FN1: variants seen among roughly 807,000 people sequenced by gnomAD.
FN1 encodes the protein fibronectin 1.
A neutral mutation model predicts 297.3 loss-of-function variants in FN1; 106 were observed. That is an observed-to-expected ratio of 0.36 (90% CI 0.30 to 0.42). The LOEUF is 0.42. Ranked by LOEUF, FN1 falls within the 10% of genes least tolerant of loss-of-function variation. The probability of loss-of-function intolerance (pLI) is 1.00; values close to 1 mark genes in which losing one functional copy is unlikely to be tolerated. For missense variants in FN1, 2,690 were observed against 3,124.9 expected, an observed-to-expected ratio of 0.86 and a Z score of 3.32; for synonymous variants, 1,149 against 1,152.6, an observed-to-expected ratio of 1.00 and a Z score of 0.06.
chr2:215,432,018 T>G (rs923361483), intron 3 of FN1, 54 bp from the exon 4 acceptor site: 14 of 1,605,596 alleles, frequency 8.7e-6, no homozygotes, highest in Non-Finnish European at 1.1e-5. Context: ...TTTTTTTTTT[T>G]GGTCTCATAT....
intron 30 of FN1, among the ~76,000 whole-genome samples, chr2:215,383,716 G>C (rs2058518729): frequency 6.6e-6 from 1 of 152,132 alleles, no homozygotes; most frequent in South Asian, 2.1e-4. Flanking sequence ...TCCACAAGCA[G>C]GTGTCTCTTC....
At chr2:215,434,446 T>C (rs540718255) in intron 2 of FN1, among the ~76,000 whole-genome samples, 4 of 152,326 alleles carry the variant, frequency 2.6e-5, no homozygotes, top group African/African-American at 9.6e-5. Flanking sequence ...CTTTCATTTT[T>C]CTCATCAAAA....
chr2:215,390,785 G>A (rs1412303614), intron 26 of FN1, among the ~76,000 whole-genome samples: 2 of 152,206 alleles, frequency 1.3e-5, no homozygotes, highest in Non-Finnish European at 2.9e-5. Context: ...GTCACGCTGA[G>A]CTGCTCTTCT....
intron 42 of FN1, 43 bp downstream of exon 42, chr2:215,367,820 G>A (rs990135362): frequency 1.2e-6 from 2 of 1,604,178 alleles, no homozygotes; most frequent in Non-Finnish European, 1.7e-6. Flanking sequence ...CATGGAACTT[G>A]AGGAGACAAA....
rs1483673981 is a variant in FN1, at chr2:215,424,128, C to T, written c.1216+18G>A. 1 of 1,612,938 alleles carries T rather than the reference C, an allele frequency of 6.2e-7. No homozygotes were observed. Among genetic ancestry groups the T allele is most frequent in the Non-Finnish European group, 8.5e-7 (1 of 1,179,134 alleles). ...GTGAGTTTTTCTCACTTCTGTGGCT[C>T]CCCCTTGGGACACTCACCAGTGTGG... On this transcript the variant is annotated intron_variant, in intron 8 of 45. Transcript: ENST00000354785.
At chr2:215,386,992 A>G (rs1559414102) in intron 27 of FN1, 34 bp from the exon 28 acceptor site, 2 of 1,586,184 alleles carry the variant, frequency 1.3e-6, no homozygotes, top group Non-Finnish European at 1.7e-6. Context: ...AAGAGAAAAA[A>G]AAAAGAAAAG....
intron 13 of FN1, among the ~76,000 whole-genome samples, chr2:215,413,898 G>A (rs894959730): frequency 5.9e-5 from 9 of 152,172 alleles, no homozygotes; most frequent in Non-Finnish European, 1.0e-4. Flanking sequence ...GATGCGTCTA[G>A]ACGTGGTTCT....
chr2:215,397,537 A>G (rs2060448843), intron 22 of FN1, 143 bp downstream of exon 22: 1 of 727,958 alleles, frequency 1.4e-6, no homozygotes, highest in Non-Finnish European at 2.4e-6. Flanking sequence ...CTCCAAATTC[A>G]GGAATAGCAT....
chr2:215,386,725 C>T lies in FN1; in HGVS notation c.4576G>A (p.Glu1526Lys), dbSNP rs762667601. 3.1e-6 allele frequency: 5 copies of T among 1,614,034 alleles called. No homozygotes were observed. In the Admixed American group the frequency reaches 5.0e-5, roughly 16 times the overall value. ...VVSIVALNGR[E>K]ESPLLIGQQS... ...TGGCCAATCAATAAGGGACTTTCCTCTCTGCCATTAAGAGCAACGATGCTG... is the reference window on the plus strand; with the variant it reads ...TGGCCAATCAATAAGGGACTTTCCTTTCTGCCATTAAGAGCAACGATGCTG... Residue 1526 changes from glutamate to lysine, a missense_variant, in exon 28 of 46, where the codon GAG becomes AAG. Glu to Lys is a moderately conservative substitution (Grantham distance 56). Around this residue, in one of 3 missense-constraint regions of FN1, gnomAD observed 1,743 missense variants for 1,945.2 expected, o/e 0.90. Transcript: ENST00000354785.
Position 215,421,794 on chromosome 2 carries a change from C to T in FN1, c.1546+297G>A, listed in dbSNP as rs374219718. Among the ~76,000 whole-genome samples the T allele has an allele frequency of 9.8e-5, 15 of 152,298 alleles. No homozygotes were observed. In the East Asian group the frequency reaches 1.9e-3, roughly 20 times the overall value. On this transcript the variant is annotated intron_variant, in intron 10 of 45. Transcript: ENST00000354785. ...TCTAGACATGAATCCAGTGGCATAG[C>T]CTAAAGCTGAATGGATCAAATGTTT...
chr2:215,376,715 C>T (rs1254569204), intron 35 of FN1, 41 bp from the exon 36 acceptor site: 2 of 1,590,624 alleles, frequency 1.3e-6, no homozygotes, highest in Non-Finnish European at 8.6e-7. Flanking sequence ...CTGCTTGGCT[C>T]ATCCATGTAA....
In FN1 at chr2:215,383,358, C is replaced by T; in HGVS notation, c.5020G>A (p.Gly1674Arg). The T allele has an allele frequency of 6.2e-7, 1 of 1,614,104 alleles. No individual in the cohort carries two copies. The highest frequency in any genetic ancestry group is 8.5e-7 in the Non-Finnish European group (1 of 1,180,002). ...CCTGCAGTTTTAGTTTTTGTTGGTCCTGGTCCATTTTTGGGAGTGGTGGTT... is the reference window on the plus strand; with the variant it reads ...CCTGCAGTTTTAGTTTTTGTTGGTCTTGGTCCATTTTTGGGAGTGGTGGTT... ...RVTTTPKNGP[G>R]PTKTKTAGPD... The change falls in exon 31 of 46, where the codon GGA becomes AGA. Residue 1674 changes from glycine to arginine, a missense_variant. By Grantham distance (125) the Gly-to-Arg change is moderately radical. Transcript: ENST00000354785.
chr2:215,409,167 C>T (rs2062207359), intron 15 of FN1, among the ~76,000 whole-genome samples: 1 of 152,214 alleles, frequency 6.6e-6, no homozygotes, highest in East Asian at 1.9e-4. Flanking sequence ...TACGATGGCA[C>T]ACACTTCAGT....
At chr2:215,424,011 T>G in intron 8 of FN1, 135 bp downstream of exon 8, 1 of 876,100 alleles carries the variant, frequency 1.1e-6, no homozygotes, top group South Asian at 1.3e-5. Flanking sequence ...AGCGCTGCGA[T>G]CTCTTGAGTC....
chr2:215,410,869 T>C (rs1295341498), intron 13 of FN1, among the ~76,000 whole-genome samples: 1 of 152,216 alleles, frequency 6.6e-6, no homozygotes, highest in Non-Finnish European at 1.5e-5. Flanking sequence ...GAACCTAAGC[T>C]TTGCCTCTCT....
rs370138701 is a variant in FN1 at position 215,433,288 on chromosome 2, A to G, written c.415+36T>C. ...ATGGTAACAGAGAAATTCATATTTG[A>G]TATTTTGGCATCATTTTACACAATC... On this transcript the variant is annotated intron_variant, in intron 3 of 45. Transcript: ENST00000354785. 6 of 1,610,518 alleles carry G rather than the reference A, an allele frequency of 3.7e-6. No individual in the cohort carries two copies. In the African/African-American group the frequency reaches 6.7e-5, roughly 18 times the overall value.
Position 215,430,834 on chromosome 2 carries a change from T to C in FN1, c.566A>G (p.His189Arg). The C allele has an allele frequency of 6.2e-7, 1 of 1,614,106 alleles. No homozygotes were observed. Among genetic ancestry groups the C allele is most frequent in the Non-Finnish European group, 8.5e-7 (1 of 1,179,986 alleles). The change falls in exon 5 of 46, where the codon CAT becomes CGT. Residue 189 changes from histidine (H) to arginine (R), a missense_variant. Around this residue, in one of 3 missense-constraint regions of FN1, gnomAD observed 876 missense variants for 1,058.1 expected, o/e 0.83. Transcript: ENST00000354785. ...GACCACATAGGAAGTCCCAGCAGCA[T>C]GATCAAAACACTTCTCAGCTGTAGG... ...CKPIAEKCFD[H>R]AAGTSYVVGE...
chr2:215,379,244 G>A lies in FN1; in HGVS notation c.5508C>T (p.Pro1836=). 6.2e-7 allele frequency: 1 copy of A among 1,614,020 alleles called. No homozygotes were observed. Among genetic ancestry groups the A allele is most frequent in the Non-Finnish European group, 8.5e-7 (1 of 1,179,986 alleles). ...PTSLSAQWTP[P]NVQLTGYRVR... is the part of the protein sequence containing the mutation. ...CTCGATATCCAGTGAGCTGAACATT[G>A]GGTGGTGTCCACTGGGCGCTCAGGC... The change falls in exon 34 of 46, where the codon CCC becomes CCT. Residue 1836 remains proline, a synonymous_variant. Transcript: ENST00000354785.
rs912355448 is a variant in FN1, at chr2:215,360,973, T to G, written c.*582A>C. On this transcript the variant is annotated 3_prime_UTR_variant, in exon 46 of 46. Coordinates refer to ENST00000354785, the MANE Select transcript of FN1 (RefSeq NM_212482.4). ...CCATAATTATACCAAATTCCTCTTA[T>G]CAACTGCATACTAAGTGTTTTCAAT... The G allele has an allele frequency of 6.5e-6, 1 of 154,996 alleles. No homozygotes were observed. The highest frequency in any genetic ancestry group is 1.4e-5 in the Non-Finnish European group (1 of 69,562). The allele number at this position is 154,996 out of a possible 1,614,324, so 9.6% of individuals were successfully genotyped here.
Sources: allele counts gnomAD v4.1 joint callset (sites outside exome capture counted in the v4.1 genomes callset), GRCh38; gene constraint gnomAD v4.1.1; regional missense constraint gnomAD v4.1.1; transcripts MANE v1.5; gene names NCBI Gene and HGNC (gene_info 2026-07-23, HGNC 2026-07-21).